Variants in RBMS3 observed in about 807,000 individuals in gnomAD.
The protein encoded by RBMS3 is RNA-binding motif, single-stranded-interacting protein 3.
A neutral mutation model predicts 66.8 loss-of-function variants in RBMS3; 27 were observed. The ratio of observed to expected loss-of-function variants is 0.40; its 90% confidence interval spans 0.30 to 0.56. The LOEUF (loss-of-function observed/expected upper bound fraction) is 0.56. Ranked by LOEUF, RBMS3 falls within the 20% of genes least tolerant of loss-of-function variation. The pLI is 0.40. For missense variants in RBMS3, 513 were observed against 549.5 expected, an observed-to-expected ratio of 0.93 and a Z score of 0.66; for synonymous variants, 188 against 183.0, an observed-to-expected ratio of 1.03 and a Z score of -0.22.
At chr3:29,365,904 A>G (rs1485822270) in intron 1 of RBMS3, among the ~76,000 whole-genome samples, 1 of 152,160 alleles carries the variant, frequency 6.6e-6, no homozygotes, top group East Asian at 1.9e-4. Flanking sequence ...AACATTTGTG[A>G]GCTGTGGCAG....
chr3:29,905,185 T>A (rs2060347008), intron 10 of RBMS3, among the ~76,000 whole-genome samples: 1 of 152,050 alleles, frequency 6.6e-6, no homozygotes, highest in South Asian at 2.1e-4. Flanking sequence ...ACATAATGAA[T>A]GGGTGTGCCT....
chr3:29,406,198 GT>G (rs1169087420), intron 1 of RBMS3, among the ~76,000 whole-genome samples: 1 of 152,160 alleles, frequency 6.6e-6, no homozygotes, highest in Non-Finnish European at 1.5e-5. Flanking sequence ...GTGTTAAATG[GT>G]TGTGGCTCAC....
Position 29,884,156 on chromosome 3 carries a change from A to G in RBMS3, c.745-6A>G. 1 of 1,611,254 alleles carries G rather than the reference A, an allele frequency of 6.2e-7. No individual in the cohort carries two copies. Among genetic ancestry groups the G allele is most frequent in the Non-Finnish European group, 8.5e-7 (1 of 1,178,038 alleles). On this transcript the variant is annotated splice_polypyrimidine_tract_variant and splice_region_variant and intron_variant, in intron 7 of 14. Transcript: ENST00000383767. Reference sequence around the variant, plus strand: ...TTGTTTTCTTCCCTCTTCATCCTATATACAGGCTGGCATGGCTTTGACCTA... The same window carrying G: ...TTGTTTTCTTCCCTCTTCATCCTATGTACAGGCTGGCATGGCTTTGACCTA...
intron 6 of RBMS3, among the ~76,000 whole-genome samples, chr3:29,805,381 G>A (rs1051918181): frequency 6.6e-6 from 1 of 151,976 alleles, no homozygotes; most frequent in African/African-American, 2.4e-5. Context: ...ACTTTTTATG[G>A]TTATTTGAGA....
chr3:29,458,378 T>A (rs553359974), intron 2 of RBMS3, among the ~76,000 whole-genome samples: 111 of 152,280 alleles, frequency 7.3e-4, no homozygotes, highest in Non-Finnish European at 1.4e-3. Flanking sequence ...TTAAATTAGA[T>A]AGTAATTATA....
intron 3 of RBMS3, among the ~76,000 whole-genome samples, chr3:29,532,331 C>T (rs552054131): frequency 8.4e-5 from 12 of 142,848 alleles, no homozygotes; most frequent in African/African-American, 2.6e-4. Context: ...TAAGTTGGTA[C>T]GTCCTAAGAC....
intron 5 of RBMS3, among the ~76,000 whole-genome samples, chr3:29,756,151 G>GT (rs1158064438): frequency 6.6e-6 from 1 of 152,048 alleles, no homozygotes; most frequent in Non-Finnish European, 1.5e-5. Context: ...AAATGTGTGG[G>GT]TTTTTCTGAC....
At chr3:29,546,294 A>T (rs1484862602) in intron 3 of RBMS3, among the ~76,000 whole-genome samples, 1 of 152,178 alleles carries the variant, frequency 6.6e-6, no homozygotes, top group South Asian at 2.1e-4. Context: ...TGAGGCATAG[A>T]GAGGTAAAGT....
intron 1 of RBMS3, among the ~76,000 whole-genome samples, chr3:29,396,143 C>G (rs1247266437): frequency 6.6e-6 from 1 of 152,038 alleles, no homozygotes; most frequent in African/African-American, 2.4e-5. Flanking sequence ...ATATCATGTG[C>G]CTATGGATAT....
At chr3:29,317,824 A>T (rs1239959862) in intron 1 of RBMS3, among the ~76,000 whole-genome samples, 5 of 151,456 alleles carry the variant, frequency 3.3e-5, no homozygotes. Context: ...ACAAGACTAC[A>T]CTCGTTTCAC....
chr3:29,688,978 A>C (rs2051857296), intron 4 of RBMS3, among the ~76,000 whole-genome samples: 1 of 152,116 alleles, frequency 6.6e-6, no homozygotes, highest in Non-Finnish European at 1.5e-5. Context: ...TGGCCTTTGC[A>C]TAGGACAACT....
Position 29,449,006 on chromosome 3 carries a change from AC to A in RBMS3, c.248+14092del. On this transcript the variant is annotated intron_variant, in intron 2 of 14. Coordinates refer to ENST00000383767, the MANE Select transcript of RBMS3 (RefSeq NM_001003793.3). ...TAAGTTGTTGAACTAGACCTTACTCACTAGAACTCTGGACTTGGGTACTTCA... is the reference window on the plus strand; with the variant it reads ...TAAGTTGTTGAACTAGACCTTACTCATAGAACTCTGGACTTGGGTACTTCA... Among the ~76,000 whole-genome samples, 5 of 152,236 alleles carry A rather than the reference AC, an allele frequency of 3.3e-5. 1 individual carries two copies. In the East Asian group the frequency reaches 7.7e-4, roughly 24 times the overall value.
Position 29,999,817 on chromosome 3 carries a change from G to A in RBMS3, c.1308-4039G>A, listed in dbSNP as rs575425707. Among the ~76,000 whole-genome samples, 52 of 152,088 alleles carry A rather than the reference G, an allele frequency of 3.4e-4. No individual in the cohort carries two copies. In the South Asian group the frequency reaches 6.8e-3, roughly 20 times the overall value. On this transcript the variant is annotated intron_variant, in intron 14 of 14. Coordinates refer to ENST00000383767, the MANE Select transcript of RBMS3 (RefSeq NM_001003793.3). ...AGATATACCTAATGCTAAATGATGA[G>A]TTAATGGGTGCAGCACACCAACATG... is the stretch of plus-strand genomic sequence containing the variant.
intron 3 of RBMS3, among the ~76,000 whole-genome samples, chr3:29,518,749 C>T (rs541287240): frequency 2.2e-4 from 34 of 152,302 alleles, no homozygotes; most frequent in Admixed American, 3.9e-4. Flanking sequence ...TCTACTTATA[C>T]ACTGTATGTT....
chr3:29,699,518 C>A, intron 4 of RBMS3, among the ~76,000 whole-genome samples: 1 of 151,546 alleles, frequency 6.6e-6, no homozygotes, highest in Non-Finnish European at 1.5e-5. Context: ...TATAATTTTA[C>A]CAATTTATTA....
chr3:29,440,874 T>G (rs1389435680), intron 2 of RBMS3, among the ~76,000 whole-genome samples: 1 of 152,186 alleles, frequency 6.6e-6, no homozygotes. Flanking sequence ...TTTATCAGTT[T>G]AAAAGTAACC....
chr3:29,473,567 TG>T (rs1386883331), intron 2 of RBMS3, among the ~76,000 whole-genome samples: 1 of 152,110 alleles, frequency 6.6e-6, no homozygotes, highest in African/African-American at 2.4e-5. Flanking sequence ...TGGCGCTCGT[TG>T]GGGAGGCTCG....
chr3:29,690,899 A>C (rs920073662), intron 4 of RBMS3, among the ~76,000 whole-genome samples: 5 of 152,230 alleles, frequency 3.3e-5, no homozygotes, highest in Non-Finnish European at 7.3e-5. Flanking sequence ...CATGGAACTG[A>C]AAATCTGTCT....
At chr3:29,777,947 C>T (rs1576776760) in intron 6 of RBMS3, among the ~76,000 whole-genome samples, 1 of 151,820 alleles carries the variant, frequency 6.6e-6, no homozygotes, top group Non-Finnish European at 1.5e-5. Flanking sequence ...GATTCATTAA[C>T]CTTTACATTG....
Sources: allele counts gnomAD v4.1 joint callset (sites outside exome capture counted in the v4.1 genomes callset), GRCh38; gene constraint gnomAD v4.1.1; transcripts MANE v1.5; gene names NCBI Gene and HGNC (gene_info 2026-07-23, HGNC 2026-07-21).